Variants in OTUB1 observed in about 807,000 individuals in gnomAD.
The protein encoded by OTUB1 is ubiquitin thioesterase OTUB1.
OTUB1 carries 10 observed loss-of-function variants against 35.8 expected under a neutral mutation model. The ratio of observed to expected loss-of-function variants is 0.28; its 90% CI spans 0.17 to 0.47. The LOEUF (loss-of-function observed/expected upper bound fraction) is 0.47. Ranked by LOEUF, OTUB1 falls within the 20% of genes least tolerant of loss-of-function variation. The pLI is 0.99. For missense variants in OTUB1, 264 were observed against 351.6 expected, an observed-to-expected ratio of 0.75 and a Z score of 1.99; for synonymous variants, 158 against 143.8, an observed-to-expected ratio of 1.10 and a Z score of -0.71.
chr11:63,994,984 C>G (rs1376959909), intron 3 of OTUB1, among the ~76,000 whole-genome samples: 1 of 152,080 alleles, frequency 6.6e-6, no homozygotes, highest in Non-Finnish European at 1.5e-5. Context: ...GCTGTTGGGT[C>G]TAAACCAGTA....
In OTUB1 at chr11:63,997,016, C is replaced by T. The variant is rs320150; in HGVS notation, c.424-34C>T. 4.5e-3 allele frequency: 7,221 copies of T among 1,612,172 alleles called. 238 individuals carry two copies. In the African/African-American group the frequency reaches 0.08, roughly 18 times the overall value. On this transcript the variant is annotated intron_variant, in intron 5 of 6. Coordinates refer to ENST00000538426, the MANE Select transcript of OTUB1 (RefSeq NM_017670.3). ...TGGTGAGGACCACCCATCTCCTCCC[C>T]GTCATCTTGCCCTTTCTCCCTCCGT...
At chr11:63,991,712 G>A (rs1942674398) in intron 3 of OTUB1, among the ~76,000 whole-genome samples, 1 of 152,230 alleles carries the variant, frequency 6.6e-6, no homozygotes, top group Non-Finnish European at 1.5e-5. Context: ...TGGTGATTTG[G>A]GTTCTTTGTG....
In OTUB1 at chr11:63,986,479, A is replaced by G. The variant is rs1011086053; in HGVS notation, c.23A>G (p.Gln8Arg). 4 of 1,554,770 alleles carry G rather than the reference A, an allele frequency of 2.6e-6. No homozygotes were observed. The South Asian group carries it at 3.6e-5, about 14-fold the overall frequency. ...AAGATGGCGGCGGAGGAACCTCAGC[A>G]GCAGAAGCAGGAGCCGCTGGGCAGC... MAAEEPQ[Q>R]QKQEPLGSDS... The change falls in exon 1 of 7, where the codon CAG (glutamine) becomes CGG (arginine). Residue 8 changes from glutamine (Q) to arginine (R), a missense_variant. Physicochemically the swap from Gln to Arg is conservative, Grantham distance 43. Transcript: ENST00000538426.
chr11:63,997,179 C>T lies in OTUB1; in HGVS notation c.553C>T (p.Arg185Cys), dbSNP rs937695868. 2.5e-6 allele frequency: 4 copies of T among 1,614,102 alleles called. No individual in the cohort carries two copies. The highest frequency in any genetic ancestry group is 1.3e-5 in the African/African-American group (1 of 74,930). ...GCTGCTCACCTCGGGCTACCTGCAGCGCGAGAGCAAGTTCTTCGAGCACTT... is the reference window on the plus strand; with the variant it reads ...GCTGCTCACCTCGGGCTACCTGCAGTGCGAGAGCAAGTTCTTCGAGCACTT... ...LRLLTSGYLQRESKFFEHFIE... is the reference protein window; with the variant it reads ...LRLLTSGYLQCESKFFEHFIE... Residue 185 changes from arginine (R) to cysteine (C), a missense_variant, in exon 6 of 7, where the codon CGC (arginine) becomes TGC (cysteine). By Grantham distance (180) the Arg-to-Cys change is radical. Coordinates refer to ENST00000538426, the MANE Select transcript of OTUB1 (RefSeq NM_017670.3).
chr11:63,986,922 C>A, intron 1 of OTUB1: 1 of 187,246 alleles, frequency 5.3e-6, no homozygotes, highest in Non-Finnish European at 1.1e-5. Flanking sequence ...GTGAGGGCCT[C>A]GAGTTTCGCT....
chr11:63,988,608 C>A, intron 2 of OTUB1, 46 bp from the exon 3 acceptor site: 2 of 1,430,362 alleles, frequency 1.4e-6, no homozygotes, highest in South Asian at 2.3e-5. Context: ...AGGCATGGGT[C>A]ACTCCATCTC....
rs558039727 is a variant in OTUB1, at chr11:63,997,708, G to A, written c.*162G>A. On this transcript the variant is annotated 3_prime_UTR_variant, in exon 7 of 7. Coordinates refer to ENST00000538426, the MANE Select transcript of OTUB1 (RefSeq NM_017670.3). ...AAAGGGGGTGCTGGTGGTGAGCCGT[G>A]TGTGCGTGTCCCTGCTCTGCTGCCC... The A allele has an allele frequency of 4.2e-6, 3 of 720,782 alleles. No individual in the cohort carries two copies. Among genetic ancestry groups the A allele is most frequent in the Non-Finnish European group, 7.5e-6 (3 of 401,798 alleles). The allele number at this position is 720,782 out of a possible 1,614,324, so 44.6% of individuals were successfully genotyped here. A position where few individuals can be genotyped will look rare whatever the true frequency, so the allele number is the denominator to read the frequency against.
At chr11:63,991,759 C>CG (rs1490388975) in intron 3 of OTUB1, among the ~76,000 whole-genome samples, 2 of 152,284 alleles carry the variant, frequency 1.3e-5, no homozygotes, top group African/African-American at 4.8e-5. Flanking sequence ...TTATTGAGAA[C>CG]GGACTGTGGT....
rs1942736790 is a variant in OTUB1 at position 63,997,676 on chromosome 11, T to C, written c.*130T>C. ...TCCTGTCACATGACCCCCCCCCATGTTTTATTAAAGGGGGTGCTGGTGGTG... is the reference window on the plus strand; with the variant it reads ...TCCTGTCACATGACCCCCCCCCATGCTTTATTAAAGGGGGTGCTGGTGGTG... On this transcript the variant is annotated 3_prime_UTR_variant, in exon 7 of 7. Coordinates refer to ENST00000538426, the MANE Select transcript of OTUB1 (RefSeq NM_017670.3). The C allele has an allele frequency of 1.3e-6, 1 of 771,002 alleles. No homozygotes were observed. Among genetic ancestry groups the C allele is most frequent in the Non-Finnish European group, 2.2e-6 (1 of 450,764 alleles). 47.8% of individuals were successfully genotyped at this position (771,002 alleles called of 1,614,324 possible).
chr11:63,986,792 C>G (rs1387515390), intron 1 of OTUB1: 3 of 419,702 alleles, frequency 7.1e-6, no homozygotes, highest in Non-Finnish European at 1.3e-5. Flanking sequence ...CGCCCTCTGC[C>G]CAACCCCTCG....
chr11:63,988,445 TG>T (rs1306947931), intron 2 of OTUB1, 47 bp downstream of exon 2: 1 of 1,517,426 alleles, frequency 6.6e-7, no homozygotes, highest in Non-Finnish European at 9.0e-7. Context: ...GCAGCCCCAT[TG>T]TGGAAATGCA....
chr11:63,996,103 G>GGGGCTGAGCT (rs1336572375), intron 3 of OTUB1, among the ~76,000 whole-genome samples: 5 of 152,156 alleles, frequency 3.3e-5, no homozygotes, highest in Admixed American at 3.3e-4. Flanking sequence ...TGGCGGGAGC[G>GGGGCTGAGCT]GGGCTGAGCT....
chr11:63,995,766 A>C (rs867270566), intron 3 of OTUB1, among the ~76,000 whole-genome samples: 6 of 151,934 alleles, frequency 3.9e-5, no homozygotes, highest in South Asian at 2.1e-4. Context: ...GCTGAGGAAA[A>C]AAGACAAGGT....
intron 6 of OTUB1, 30 bp from the exon 7 acceptor site, chr11:63,997,319 A>G: frequency 6.2e-7 from 1 of 1,613,372 alleles, no homozygotes; most frequent in Non-Finnish European, 8.5e-7. Context: ...GGGTGCGGAG[A>G]CCAGGGCCTG....
In OTUB1 at chr11:63,998,362, G is replaced by C. The variant is rs73496075; in HGVS notation, c.*816G>C. On this transcript the variant is annotated 3_prime_UTR_variant, in exon 7 of 7. Coordinates refer to ENST00000538426, the MANE Select transcript of OTUB1 (RefSeq NM_017670.3). ...GCACATTCGGGGTCTCAGCCCCCAGGCTGTGAGCTCCTTGGGGGCAGGCCC... is the reference window on the plus strand; with the variant it reads ...GCACATTCGGGGTCTCAGCCCCCAGCCTGTGAGCTCCTTGGGGGCAGGCCC... 4.1e-3 allele frequency: 694 copies of C among 168,564 alleles called. 3 individuals are homozygous for C. The highest frequency in any genetic ancestry group is 0.016 in the African/African-American group (654 of 41,918). 10.4% of individuals were successfully genotyped at this position (168,564 alleles called of 1,614,324 possible).
At chr11:63,996,789 G>A (rs1447019462) in intron 4 of OTUB1, 68 bp from the exon 5 acceptor site, 4 of 1,610,090 alleles carry the variant, frequency 2.5e-6, no homozygotes, top group African/African-American at 2.7e-5. Flanking sequence ...GGGCAGTGCT[G>A]TCTCGGCCCT....
intron 3 of OTUB1, among the ~76,000 whole-genome samples, chr11:63,993,160 T>TG (rs1310491044): frequency 6.6e-6 from 1 of 152,166 alleles, no homozygotes; most frequent in East Asian, 1.9e-4. Flanking sequence ...GATATGGTGA[T>TG]GGAGTCGGCA....
Position 63,996,512 on chromosome 11 carries a change from G to T in OTUB1, c.220-18G>T, listed in dbSNP as rs778550504. 5 of 1,613,536 alleles carry T rather than the reference G, an allele frequency of 3.1e-6. No homozygotes were observed. The highest frequency in any genetic ancestry group is 2.2e-5 in the East Asian group (1 of 44,896). ...TCTGGCCTGATGTTAACCTGTCGGGGTGGGGCTGTCTCCGCAGGACCTCCA... is the reference window on the plus strand; with the variant it reads ...TCTGGCCTGATGTTAACCTGTCGGGTTGGGGCTGTCTCCGCAGGACCTCCA... On this transcript the variant is annotated intron_variant, in intron 3 of 6. Coordinates refer to ENST00000538426, the MANE Select transcript of OTUB1 (RefSeq NM_017670.3).
intron 1 of OTUB1, among the ~76,000 whole-genome samples, 156 bp downstream of exon 1, chr11:63,986,670 A>T (rs1942622961): frequency 6.6e-6 from 1 of 152,046 alleles, no homozygotes; most frequent in South Asian, 2.1e-4. Flanking sequence ...TCCCCCTCAC[A>T]ATGGAAGGAG....
Sources: allele counts gnomAD v4.1 joint callset (sites outside exome capture counted in the v4.1 genomes callset), GRCh38; gene constraint gnomAD v4.1.1; transcripts MANE v1.5; gene names NCBI Gene and HGNC (gene_info 2026-07-23, HGNC 2026-07-21).